Variants in TMEFF2 observed in about 807,000 individuals in gnomAD.
TMEFF2 encodes the protein tomoregulin-2.
TMEFF2 carries 28 observed loss-of-function variants against 53.8 expected under a neutral mutation model. The ratio of observed to expected loss-of-function variants is 0.52; its 90% confidence interval spans 0.39 to 0.71. The LOEUF is 0.71. TMEFF2 is among the 30% of genes least tolerant of loss of function. TMEFF2 has a pLI of 0.00. For synonymous variants in TMEFF2, 162 were observed against 166.3 expected, an observed-to-expected ratio of 0.97 and a Z score of 0.20; for missense variants, 353 against 455.2, an observed-to-expected ratio of 0.78 and a Z score of 2.04.
At chr2:191,963,416 G>A (rs1431119846) in intron 7 of TMEFF2, among the ~76,000 whole-genome samples, 1 of 152,154 alleles carries the variant, frequency 6.6e-6, no homozygotes, top group Non-Finnish European at 1.5e-5. Context: ...AAGAAGCAAC[G>A]GGTCAGGTCC....
intron 4 of TMEFF2, among the ~76,000 whole-genome samples, chr2:192,135,203 C>T (rs1203796861): frequency 2.6e-5 from 4 of 152,168 alleles, no homozygotes; most frequent in East Asian, 1.9e-4. Flanking sequence ...ACTGCCAGTT[C>T]ACACTGTTTC....
intron 7 of TMEFF2, among the ~76,000 whole-genome samples, chr2:191,971,869 T>C (rs1452959996): frequency 6.6e-6 from 1 of 152,086 alleles, no homozygotes; most frequent in Non-Finnish European, 1.5e-5. Flanking sequence ...GGTGCTCAGA[T>C]ACAGAATAGT....
chr2:191,949,488 G>A lies in TMEFF2; in HGVS notation c.*823C>T. 1 of 985,372 alleles carries A rather than the reference G, an allele frequency of 1.0e-6. No homozygotes were observed. Among genetic ancestry groups the A allele is most frequent in the Non-Finnish European group, 1.2e-6 (1 of 829,900 alleles). The allele number at this position is 985,372 out of a possible 1,614,324, so 61.0% of individuals were successfully genotyped here. A position where few individuals can be genotyped will look rare whatever the true frequency, so the allele number is the denominator to read the frequency against. On this transcript the variant is annotated 3_prime_UTR_variant, in exon 10 of 10. Transcript: ENST00000272771. ...TCACGATTTTGGTGTTTCACATCTA[G>A]TGGTGTTATTACATTTTTCCCCTGG...
chr2:191,971,561 G>A (rs564951529), intron 7 of TMEFF2, among the ~76,000 whole-genome samples: 1 of 152,246 alleles, frequency 6.6e-6, no homozygotes, highest in African/African-American at 2.4e-5. Context: ...GTTTCTTGAT[G>A]TGTGACTATA....
rs1460685761 is a variant in TMEFF2, at chr2:192,075,328, T to TAC, written c.440-17554_440-17553insGT. 1.9e-3 allele frequency among the ~76,000 whole-genome samples: 172 copies of TAC among 90,746 alleles called. 6 individuals carry two copies. The highest frequency in any genetic ancestry group is 6.6e-3 in the African/African-American group (150 of 22,582). The allele number at this position is 90,746 out of a possible 152,430, so 59.5% of individuals were successfully genotyped here. A position where few individuals can be genotyped will look rare whatever the true frequency, so the allele number is the denominator to read the frequency against. ...ATATATATATATATATATATATATA[T>TAC]ATATACATACATACTATGTATATCC... On this transcript the variant is annotated intron_variant, in intron 4 of 9. Transcript: ENST00000272771.
At chr2:192,183,382 A>G (rs1337205020) in intron 3 of TMEFF2, among the ~76,000 whole-genome samples, 4 of 151,978 alleles carry the variant, frequency 2.6e-5, no homozygotes, top group African/African-American at 9.7e-5. Context: ...AACATCATAC[A>G]CTAGATTAGA....
chr2:192,034,622 G>A (rs998556449), intron 5 of TMEFF2: 1 of 152,112 alleles, frequency 6.6e-6, no homozygotes, highest in Non-Finnish European at 1.5e-5. Context: ...ACTCTCTCCT[G>A]TTTATAAATT....
At position 192,179,633 on chromosome 2, in the gene TMEFF2, G is replaced by A. The variant is rs1574440033; in HGVS notation, c.439+35C>T. ...TAAATATACATAATAATATCCACCAGTAAATCTTCAAATATGTAAAAAGGC... is the reference window on the plus strand; with the variant it reads ...TAAATATACATAATAATATCCACCAATAAATCTTCAAATATGTAAAAAGGC... On this transcript the variant is annotated intron_variant, in intron 4 of 9. Coordinates refer to ENST00000272771, the MANE Select transcript of TMEFF2 (RefSeq NM_016192.4). 1.9e-6 allele frequency: 3 copies of A among 1,554,150 alleles called. No individual in the cohort carries two copies. In the East Asian group the frequency reaches 7.2e-5, roughly 37 times the overall value.
At chr2:192,055,914 T>A (rs1574332627) in intron 5 of TMEFF2, among the ~76,000 whole-genome samples, 2 of 151,938 alleles carry the variant, frequency 1.3e-5, no homozygotes, top group East Asian at 3.9e-4. Context: ...TGGCTAGAAG[T>A]GTTTGACAGG....
intron 5 of TMEFF2, among the ~76,000 whole-genome samples, chr2:192,015,765 T>C (rs929981641): frequency 6.6e-6 from 1 of 152,196 alleles, no homozygotes; most frequent in African/African-American, 2.4e-5. Context: ...TTGTGGAAAG[T>C]GGAACCAGAG....
chr2:192,084,277 T>C (rs13001304), intron 4 of TMEFF2, among the ~76,000 whole-genome samples: 37,227 of 152,124 alleles, frequency 0.24, 4,973 homozygotes, highest in Middle Eastern at 0.33. Context: ...CAATATTTAC[T>C]GTGTGTGCCA....
intron 5 of TMEFF2, among the ~76,000 whole-genome samples, chr2:192,037,280 A>AGAAAGAAT (rs1687326928): frequency 8.2e-6 from 1 of 122,386 alleles, no homozygotes; most frequent in Non-Finnish European, 1.6e-5. Context: ...AAATAAAGAA[A>AGAAAGAAT]GAAAGAAAGA....
chr2:192,116,672 T>C (rs771452361), intron 4 of TMEFF2, among the ~76,000 whole-genome samples: 33 of 152,122 alleles, frequency 2.2e-4, no homozygotes, highest in Non-Finnish European at 3.5e-4. Context: ...AATAATTTTA[T>C]TTAAAATGTA....
At chr2:192,095,045 T>C (rs912425847) in intron 4 of TMEFF2, among the ~76,000 whole-genome samples, 3 of 152,148 alleles carry the variant, frequency 2.0e-5, no homozygotes. Flanking sequence ...GAAAAATTTA[T>C]ATTCCAGCAT....
chr2:192,067,061 T>A (rs905838452), intron 4 of TMEFF2, among the ~76,000 whole-genome samples: 7 of 151,732 alleles, frequency 4.6e-5, no homozygotes, highest in African/African-American at 1.7e-4. Context: ...GGTTACTAAG[T>A]GGAAACAGCA....
At position 191,998,853 on chromosome 2, in the gene TMEFF2, T is replaced by C. The variant is rs367964818; in HGVS notation, c.685+207A>G. On this transcript the variant is annotated intron_variant, in intron 6 of 9. Transcript: ENST00000272771. ...ATGGCATTGTGACAATACAGTTCCA[T>C]TGTATAGAGACAGATCTGGACGGTT... Among the ~76,000 whole-genome samples the C allele has an allele frequency of 4.7e-4, 71 of 152,086 alleles. 1 individual carries two copies. Among genetic ancestry groups the C allele is most frequent in the African/African-American group, 1.7e-3 (71 of 41,532 alleles).
chr2:191,993,396 C>A (rs936639113), intron 7 of TMEFF2, among the ~76,000 whole-genome samples: 1 of 151,940 alleles, frequency 6.6e-6, no homozygotes, highest in African/African-American at 2.4e-5. Context: ...TGAATTGCCA[C>A]AGTATAATGT....
At chr2:192,178,995 T>A (rs1198051405) in intron 4 of TMEFF2, 2 of 150,562 alleles carry the variant, frequency 1.3e-5, no homozygotes, top group Admixed American at 6.6e-5. Context: ...GGTAAAATCT[T>A]TATTTGGTAG....
chr2:192,187,734 C>T (rs2106045041), intron 2 of TMEFF2, among the ~76,000 whole-genome samples: 2 of 152,244 alleles, frequency 1.3e-5, no homozygotes, highest in Non-Finnish European at 2.9e-5. Context: ...GTTTATTTTC[C>T]AAATAAGTGT....
Sources: gnomAD v4.1 joint callset for allele counts (sites outside exome capture counted in the v4.1 genomes callset) on GRCh38, gnomAD v4.1.1 for gene constraint, MANE v1.5 for transcripts, NCBI Gene and HGNC (gene_info 2026-07-23, HGNC 2026-07-21) for gene names.